LIX1: variants seen among roughly 807,000 people sequenced by gnomAD.
LIX1 encodes the protein protein limb expression 1 homolog.
LIX1 carries 24 observed loss-of-function variants against 33.4 expected under a neutral mutation model. That is an observed-to-expected ratio of 0.72 (90% CI 0.52 to 1.01). LIX1 has a LOEUF of 1.01. LIX1 is among the 50% of genes least tolerant of loss of function. LIX1 has a pLI of 0.00. For synonymous variants in LIX1, 124 were observed against 124.0 expected, an observed-to-expected ratio of 1.00 and a Z score of 0.00; for missense variants, 311 against 339.2, an observed-to-expected ratio of 0.92 and a Z score of 0.65.
intron 3 of LIX1, among the ~76,000 whole-genome samples, chr5:97,106,917 G>A (rs1747070092): frequency 6.6e-6 from 1 of 152,172 alleles, no homozygotes; most frequent in Non-Finnish European, 1.5e-5. Flanking sequence ...GCAGATTGCA[G>A]GGCCCCACAC....
At chr5:97,096,934 A>G (rs1746410694) in intron 4 of LIX1, 47 bp from the exon 5 acceptor site, 2 of 1,385,034 alleles carry the variant, frequency 1.4e-6, no homozygotes, top group East Asian at 2.3e-5. Context: ...AGAAATGTGC[A>G]TTGGTGAGAG....
intron 1 of LIX1, among the ~76,000 whole-genome samples, chr5:97,139,182 T>C (rs142583424): frequency 1.3e-3 from 196 of 152,326 alleles, no homozygotes; most frequent in African/African-American, 4.4e-3. Context: ...AACCTCTGTG[T>C]GCCTCAGTTT....
Position 97,096,725 on chromosome 5 carries a change from C to T in LIX1, c.561+85G>A, listed in dbSNP as rs78328553. On this transcript the variant is annotated intron_variant, in intron 5 of 5. Transcript: ENST00000274382. ...TACCAAATTTATATTTGGAAAAATCCGAATAAAGGAAATCTCCTGGGAAGA... is the reference window on the plus strand; with the variant it reads ...TACCAAATTTATATTTGGAAAAATCTGAATAAAGGAAATCTCCTGGGAAGA... 2,100 of 954,550 alleles carry T rather than the reference C, an allele frequency of 2.2e-3. 38 individuals are homozygous for T. In the African/African-American group the frequency reaches 0.031, roughly 14 times the overall value. 59.1% of individuals were successfully genotyped at this position (954,550 alleles called of 1,614,324 possible). A position where few individuals can be genotyped will look rare whatever the true frequency, so the allele number is the denominator to read the frequency against.
Position 97,107,421 on chromosome 5 carries a change from G to A in LIX1, c.326C>T (p.Ser109Phe). 1 of 1,613,074 alleles carries A rather than the reference G, an allele frequency of 6.2e-7. No homozygotes were observed. The highest frequency in any genetic ancestry group is 8.5e-7 in the Non-Finnish European group (1 of 1,179,998). The change falls in exon 3 of 6, where the codon TCT becomes TTT. Residue 109 changes from serine (S) to phenylalanine (F), a missense_variant. Ser to Phe is a radical substitution (Grantham distance 155). Transcript: ENST00000274382. ...AATGAATTCCTTGGTGATCCTGCGA[G>A]AGGGCAGCTCATTGAAGAGGGAGTT... ...LINSLFNELP[S>F]RRITKEFIME...
intron 2 of LIX1, among the ~76,000 whole-genome samples, chr5:97,123,880 T>C (rs1747846282): frequency 6.6e-6 from 1 of 152,186 alleles, no homozygotes; most frequent in African/African-American, 2.4e-5. Flanking sequence ...AATGCCTCAG[T>C]TCACATTTAT....
chr5:97,141,758 T>C (rs1311301927), intron 1 of LIX1, among the ~76,000 whole-genome samples: 2 of 152,204 alleles, frequency 1.3e-5, no homozygotes, highest in Non-Finnish European at 2.9e-5. Context: ...ATGAAGATAG[T>C]CTGTTTTGCA....
At chr5:97,103,974 A>G (rs1281969817) in intron 4 of LIX1, among the ~76,000 whole-genome samples, 1 of 74,866 alleles carries the variant, frequency 1.3e-5, no homozygotes, top group African/African-American at 1.5e-4. Context: ...CAAAAAAGAA[A>G]AAAAAAAAAA....
At chr5:97,126,637 C>CTTTTTTTTTT (rs1016872695) in intron 1 of LIX1, among the ~76,000 whole-genome samples, 3 of 123,642 alleles carry the variant, frequency 2.4e-5, no homozygotes, top group African/African-American at 3.1e-5. Context: ...TATTTTCTTT[C>CTTTTTTTTTT]TTTTTTTTTT....
chr5:97,092,148 AC>A lies in LIX1; in HGVS notation c.*2599del, dbSNP rs200865154. 4,125 of 152,450 alleles carry A rather than the reference AC, an allele frequency of 0.027. 88 individuals carry two copies. The highest frequency in any genetic ancestry group is 0.039 in the Non-Finnish European group (2,680 of 68,014). The allele number at this position is 152,450 out of a possible 1,614,324, so 9.4% of individuals were successfully genotyped here. A position where few individuals can be genotyped will look rare whatever the true frequency, so the allele number is the denominator to read the frequency against. On this transcript the variant is annotated 3_prime_UTR_variant, in exon 6 of 6. Transcript: ENST00000274382. The stretch of plus-strand genomic sequence containing the variant: ...TTGTGTTCAAAATCAACAGTTCTAA[AC>A]AAGAATCTAAAGATCCCCTAGGGCA...
At chr5:97,123,560 C>A (rs543012206) in intron 2 of LIX1, among the ~76,000 whole-genome samples, 1 of 152,322 alleles carries the variant, frequency 6.6e-6, no homozygotes, top group Middle Eastern at 3.4e-3. Context: ...AGCCTCTCAG[C>A]CATTTAAATC....
At chr5:97,124,960 A>G (rs1747882561) in intron 1 of LIX1, among the ~76,000 whole-genome samples, 1 of 152,118 alleles carries the variant, frequency 6.6e-6, no homozygotes, top group Admixed American at 6.5e-5. Context: ...ATTAATTTTT[A>G]ATATAAAAAT....
intron 1 of LIX1, among the ~76,000 whole-genome samples, chr5:97,130,009 T>A (rs1748019804): frequency 6.6e-6 from 1 of 152,232 alleles, no homozygotes. Context: ...AACTTGGAAT[T>A]GTCATACGGA....
rs369107447 is a variant in LIX1, at chr5:97,096,832, C to T, written c.539G>A (p.Arg180His). 18 of 1,613,808 alleles carry T rather than the reference C, an allele frequency of 1.1e-5. No individual in the cohort carries two copies. Among genetic ancestry groups the T allele is most frequent in the East Asian group, 4.5e-5 (2 of 44,886 alleles). Residue 180 changes from arginine to histidine, a missense_variant, in exon 5 of 6, where the codon CGT becomes CAT. Physicochemically the swap from Arg to His is conservative, Grantham distance 29. Coordinates refer to ENST00000274382, the MANE Select transcript of LIX1 (RefSeq NM_153234.5). The part of the protein sequence containing the change: ...LHWNGSLKAL[R>H]ETKCSRQEVI... Reference sequence around the variant, plus strand: ...TACCTGTCGGGAACACTTTGTTTCACGAAGGGCTTTTAGGCTTCCATTCCA... The same window carrying T: ...TACCTGTCGGGAACACTTTGTTTCATGAAGGGCTTTTAGGCTTCCATTCCA...
intron 1 of LIX1, among the ~76,000 whole-genome samples, chr5:97,126,368 C>T (rs568312908): frequency 3.4e-4 from 51 of 152,194 alleles, no homozygotes; most frequent in Non-Finnish European, 6.8e-4. Context: ...TAGGTGTCTG[C>T]ACCTCCTCTG....
chr5:97,101,397 C>T (rs185227087), intron 4 of LIX1, among the ~76,000 whole-genome samples: 7 of 152,268 alleles, frequency 4.6e-5, no homozygotes, highest in Admixed American at 3.9e-4. Flanking sequence ...TACAGGGCCC[C>T]TGCTTTGTTT....
At chr5:97,105,629 T>C (rs1746974822) in intron 3 of LIX1, among the ~76,000 whole-genome samples, 1 of 152,268 alleles carries the variant, frequency 6.6e-6, no homozygotes, top group Admixed American at 6.5e-5. Flanking sequence ...GACTTTGCTC[T>C]GATTCCAGTG....
chr5:97,105,141 G>T (rs757110602), intron 4 of LIX1, 49 bp downstream of exon 4: 2 of 1,484,578 alleles, frequency 1.3e-6, no homozygotes, highest in Non-Finnish European at 1.9e-6. Context: ...ATTTCTCTTA[G>T]GCTTCTGGAT....
intron 4 of LIX1, among the ~76,000 whole-genome samples, chr5:97,097,695 A>G (rs776831169): frequency 2.0e-5 from 3 of 152,256 alleles, no homozygotes; most frequent in African/African-American, 4.8e-5. Flanking sequence ...ATATACAAAT[A>G]TAGTTAAATA....
At chr5:97,111,272 C>T (rs1177289999) in intron 2 of LIX1, among the ~76,000 whole-genome samples, 2 of 152,038 alleles carry the variant, frequency 1.3e-5, no homozygotes, top group Non-Finnish European at 2.9e-5. Flanking sequence ...CACTGAAGCA[C>T]TAGACATAAT....
Sources: allele counts gnomAD v4.1 joint callset (sites outside exome capture counted in the v4.1 genomes callset), GRCh38; gene constraint gnomAD v4.1.1; transcripts MANE v1.5; gene names NCBI Gene and HGNC (gene_info 2026-07-23, HGNC 2026-07-21).